MACROD2: variants seen among roughly 807,000 people sequenced by gnomAD.
The protein encoded by MACROD2 is ADP-ribose glycohydrolase MACROD2.
A neutral mutation model predicts 70.4 loss-of-function variants in MACROD2; 36 were observed. That is an observed-to-expected ratio of 0.51 (90% CI 0.39 to 0.68). MACROD2 has a LOEUF of 0.68. Ranked by LOEUF, MACROD2 falls within the 30% of genes least tolerant of loss-of-function variation. The pLI, the probability that MACROD2 is intolerant of heterozygous loss-of-function variation, is 0.00. For synonymous variants in MACROD2, 172 were observed against 178.8 expected (o/e 0.96, Z 0.30); for missense variants, 496 against 538.4 (o/e 0.92, Z 0.78).
intron 3 of MACROD2, among the ~76,000 whole-genome samples, chr20:14,178,034 C>T (rs1383400894): frequency 6.6e-6 from 1 of 151,994 alleles, no homozygotes; most frequent in African/African-American, 2.4e-5. Context: ...ATTTTATGCT[C>T]AAACTACTAT....
intron 4 of MACROD2, among the ~76,000 whole-genome samples, chr20:14,617,227 C>A (rs570641960): frequency 6.6e-6 from 1 of 152,196 alleles, no homozygotes; most frequent in African/African-American, 2.4e-5. Flanking sequence ...CTTTTAACTC[C>A]GAGATTCAAC....
At chr20:14,469,245 G>A (rs1376733585) in intron 3 of MACROD2, among the ~76,000 whole-genome samples, 1 of 152,094 alleles carries the variant, frequency 6.6e-6, no homozygotes, top group African/African-American at 2.4e-5. Flanking sequence ...TAAGAATGTT[G>A]AATATTGGCC....
intron 5 of MACROD2, among the ~76,000 whole-genome samples, chr20:14,995,604 C>A (rs1012112459): frequency 1.3e-4 from 20 of 151,986 alleles, no homozygotes; most frequent in African/African-American, 4.6e-4. Context: ...AATTTATATG[C>A]ACATAATACA....
At chr20:14,856,476 A>G (rs6042952) in intron 5 of MACROD2, among the ~76,000 whole-genome samples, 2,441 of 152,310 alleles carry the variant, frequency 0.016, 67 homozygotes, top group African/African-American at 0.055. Context: ...ATTTGTGTCC[A>G]CAATAAAAAT....
rs1985666422 is a variant in MACROD2, at chr20:14,651,281, T to G, written c.302-33562T>G. On this transcript the variant is annotated intron_variant, in intron 4 of 17. Transcript: ENST00000684519. ...GTCATGATGCCAAAGAGAAAAGAGCTTAAGAAAGGAGTTCAACAGGTCAAG... is the reference window on the plus strand; with the variant it reads ...GTCATGATGCCAAAGAGAAAAGAGCGTAAGAAAGGAGTTCAACAGGTCAAG... 3.3e-5 allele frequency among the ~76,000 whole-genome samples: 5 copies of G among 151,744 alleles called. No individual in the cohort carries two copies. The South Asian group carries it at 1.0e-3, about 32-fold the overall frequency.
At chr20:15,305,865 A>AT (rs2077693081) in intron 6 of MACROD2, among the ~76,000 whole-genome samples, 1 of 152,198 alleles carries the variant, frequency 6.6e-6, no homozygotes, top group African/African-American at 2.4e-5. Flanking sequence ...GTAATGGTCT[A>AT]ACCTTTTTCT....
intron 6 of MACROD2, among the ~76,000 whole-genome samples, chr20:15,246,788 TATTA>T (rs1275292580): frequency 5.9e-5 from 9 of 152,198 alleles, no homozygotes; most frequent in African/African-American, 2.2e-4. Context: ...GCAGCATTAT[TATTA>T]ATAGCAATAG....
intron 3 of MACROD2, among the ~76,000 whole-genome samples, chr20:14,170,055 A>G (rs2081207425): frequency 6.6e-6 from 1 of 152,018 alleles, no homozygotes; most frequent in Non-Finnish European, 1.5e-5. Context: ...CACCATGCCC[A>G]GCTAATTTTT....
Position 15,061,481 on chromosome 20 carries a change from G to C in MACROD2, c.419-168459G>C, listed in dbSNP as rs568036928. On this transcript the variant is annotated intron_variant, in intron 5 of 17. Transcript: ENST00000684519. ...CTGCAGTGGTAATGCACGTGATAAT[G>C]CACCCTGTTTTAGCTGCTCTCCCTT... 4.6e-5 allele frequency among the ~76,000 whole-genome samples: 7 copies of C among 152,238 alleles called. No homozygotes were observed. The South Asian group carries it at 1.4e-3, about 32-fold the overall frequency.
chr20:14,628,242 G>C (rs1387447219), intron 4 of MACROD2, among the ~76,000 whole-genome samples: 1 of 152,150 alleles, frequency 6.6e-6, no homozygotes, highest in African/African-American at 2.4e-5. Context: ...CTTCAGGCAG[G>C]GGAGTGATAT....
At chr20:15,603,322 A>AC (rs1421141376) in intron 8 of MACROD2, among the ~76,000 whole-genome samples, 1 of 150,924 alleles carries the variant, frequency 6.6e-6, no homozygotes, top group Non-Finnish European at 1.5e-5. Flanking sequence ...AACTGGTGAA[A>AC]CCCCATCTCT....
At chr20:14,425,309 C>T (rs868353784) in intron 3 of MACROD2, among the ~76,000 whole-genome samples, 16 of 152,240 alleles carry the variant, frequency 1.1e-4, no homozygotes, top group South Asian at 1.0e-3. Flanking sequence ...CTCCTCTCTC[C>T]GCATTACCCC....
At chr20:14,743,009 G>A (rs1007689016) in intron 5 of MACROD2, among the ~76,000 whole-genome samples, 8 of 151,912 alleles carry the variant, frequency 5.3e-5, no homozygotes, top group South Asian at 2.1e-4. Context: ...CTCGTGATCC[G>A]CCCGCCTCGG....
intron 4 of MACROD2, among the ~76,000 whole-genome samples, chr20:14,534,121 G>A (rs948505092): frequency 2.0e-5 from 3 of 152,126 alleles, no homozygotes; most frequent in South Asian, 4.1e-4. Flanking sequence ...TTAATTACAC[G>A]TATGTTTCTT....
chr20:14,055,643 T>C (rs939287825), intron 2 of MACROD2, among the ~76,000 whole-genome samples: 22 of 152,228 alleles, frequency 1.4e-4, no homozygotes, highest in African/African-American at 5.3e-4. Flanking sequence ...TGTCTTTTTG[T>C]GGCACCTGAC....
chr20:15,140,027 G>T (rs958943696), intron 5 of MACROD2, among the ~76,000 whole-genome samples: 3 of 152,164 alleles, frequency 2.0e-5, no homozygotes, highest in Non-Finnish European at 4.4e-5. Flanking sequence ...TTCTTATTTG[G>T]TAACTAGGTG....
At chr20:14,609,206 T>C (rs1983004578) in intron 4 of MACROD2, among the ~76,000 whole-genome samples, 1 of 151,838 alleles carries the variant, frequency 6.6e-6, no homozygotes, top group African/African-American at 2.4e-5. Context: ...ACATTGGTGG[T>C]TTGAGTTGTA....
chr20:15,874,408 A>G (rs2064636970), intron 9 of MACROD2, among the ~76,000 whole-genome samples: 1 of 152,094 alleles, frequency 6.6e-6, no homozygotes. Flanking sequence ...AGCATGATTT[A>G]TAATCCTTTG....
At chr20:15,675,541 G>A (rs1454068110) in intron 8 of MACROD2, among the ~76,000 whole-genome samples, 2 of 152,156 alleles carry the variant, frequency 1.3e-5, no homozygotes, top group African/African-American at 2.4e-5. Context: ...ATCTTTAACA[G>A]TTTAGCGCTG....
Sources: gnomAD v4.1 joint callset for allele counts (sites outside exome capture counted in the v4.1 genomes callset) on GRCh38, gnomAD v4.1.1 for gene constraint, MANE v1.5 for transcripts, NCBI Gene and HGNC (gene_info 2026-07-23, HGNC 2026-07-21) for gene names.